The following OXR1 variants were observed in gnomAD, a reference collection of about 807,000 sequenced individuals.
The protein encoded by OXR1 is oxidation resistance 1, also known as oxidation resistance protein 1.
A neutral mutation model predicts 104.6 loss-of-function variants in OXR1; 41 were observed. The observed-to-expected ratio is 0.39, with a 90% CI of 0.31 to 0.51. The LOEUF (loss-of-function observed/expected upper bound fraction) is 0.51. Among genes scored for constraint, OXR1 ranks in the 20% least tolerant of loss-of-function variants. OXR1 has a pLI of 0.77. For synonymous variants in OXR1, 348 were observed against 348.4 expected, an observed-to-expected ratio of 1.00 and a Z score of 0.01; for missense variants, 955 against 1,031.9, an observed-to-expected ratio of 0.93 and a Z score of 1.02.
At chr8:106,623,934 GAACA>G (rs1821937020) in intron 3 of OXR1, among the ~76,000 whole-genome samples, 1 of 152,144 alleles carries the variant, frequency 6.6e-6, no homozygotes, top group Non-Finnish European at 1.5e-5. Context: ...TGACAAACCA[GAACA>G]AGAAATTCTG....
intron 1 of OXR1, among the ~76,000 whole-genome samples, chr8:106,335,182 G>C (rs1017286147): frequency 2.0e-5 from 3 of 151,934 alleles, no homozygotes; most frequent in Non-Finnish European, 4.4e-5. Context: ...CATCTATGGT[G>C]CCTCAAATTT....
chr8:106,515,487 G>A (rs1563574299), intron 2 of OXR1, among the ~76,000 whole-genome samples: 1 of 151,880 alleles, frequency 6.6e-6, no homozygotes, highest in Non-Finnish European at 1.5e-5. Context: ...ATTCTACTCT[G>A]CTTCTACAAG....
At chr8:106,676,899 A>G (rs897135757) in intron 3 of OXR1, among the ~76,000 whole-genome samples, 7 of 152,128 alleles carry the variant, frequency 4.6e-5, no homozygotes, top group Non-Finnish European at 7.4e-5. Context: ...AGTAAAGAGA[A>G]TATTTTCCAT....
At chr8:106,487,186 G>C (rs1451753237) in intron 2 of OXR1, among the ~76,000 whole-genome samples, 1 of 151,654 alleles carries the variant, frequency 6.6e-6, no homozygotes, top group African/African-American at 2.4e-5. Context: ...ACCACGCCCA[G>C]CTAATTTTTG....
intron 2 of OXR1, among the ~76,000 whole-genome samples, chr8:106,375,120 T>G (rs547185940): frequency 6.6e-6 from 1 of 152,364 alleles, no homozygotes; most frequent in African/African-American, 2.4e-5. Flanking sequence ...ATAGTATCAT[T>G]AAATTACATT....
chr8:106,723,453 G>A (rs184425953), intron 11 of OXR1, among the ~76,000 whole-genome samples: 7 of 149,480 alleles, frequency 4.7e-5, no homozygotes, highest in African/African-American at 9.9e-5. Context: ...AGCCGAGATC[G>A]TGCCACTGCA....
At position 106,477,178 on chromosome 8, in the gene OXR1, G is replaced by A. The variant is rs78606685; in HGVS notation, c.24-41765G>A. On this transcript the variant is annotated intron_variant, in intron 2 of 16. Coordinates refer to ENST00000517566, the MANE Select transcript of OXR1 (RefSeq NM_001198533.2). ...AATTACACTTTATATGGGTCCTGTGGTGTTATTCACAGTTTACGGTATTGT... is the reference window on the plus strand; with the variant it reads ...AATTACACTTTATATGGGTCCTGTGATGTTATTCACAGTTTACGGTATTGT... Among the ~76,000 whole-genome samples, 1,458 of 151,992 alleles carry A rather than the reference G, an allele frequency of 9.6e-3. 9 individuals are homozygous for A. Among genetic ancestry groups the A allele is most frequent in the Non-Finnish European group, 0.015 (1,023 of 67,910 alleles).
At chr8:106,547,773 G>A (rs1399731526) in intron 3 of OXR1, among the ~76,000 whole-genome samples, 1 of 152,030 alleles carries the variant, frequency 6.6e-6, no homozygotes, top group Non-Finnish European at 1.5e-5. Context: ...AAAGTGCTGG[G>A]ATTACGGTTG....
chr8:106,350,155 A>C (rs1301552678), intron 1 of OXR1, among the ~76,000 whole-genome samples: 1 of 152,198 alleles, frequency 6.6e-6, no homozygotes, highest in African/African-American at 2.4e-5. Context: ...GGAGGCACCA[A>C]AGAAGCTTAC....
At chr8:106,480,595 C>T (rs1485774292) in intron 2 of OXR1, among the ~76,000 whole-genome samples, 1 of 151,892 alleles carries the variant, frequency 6.6e-6, no homozygotes, top group Non-Finnish European at 1.5e-5. Context: ...GTTTTATAAA[C>T]TAGATAATGC....
chr8:106,683,887 G>T (rs1010534768), intron 5 of OXR1, among the ~76,000 whole-genome samples: 2 of 152,080 alleles, frequency 1.3e-5, no homozygotes, highest in Non-Finnish European at 1.5e-5. Context: ...GTACACATCT[G>T]TTTTTCTTTA....
intron 3 of OXR1, among the ~76,000 whole-genome samples, chr8:106,663,963 CA>C (rs1334417250): frequency 6.6e-6 from 1 of 152,114 alleles, no homozygotes; most frequent in Non-Finnish European, 1.5e-5. Context: ...CACCACAAAA[CA>C]AAAAACTCAC....
intron 3 of OXR1, among the ~76,000 whole-genome samples, chr8:106,671,044 C>CAAAAAA (rs60404483): frequency 0.014 from 672 of 48,828 alleles, 77 homozygotes; most frequent in African/African-American, 0.057. Flanking sequence ...GACTCTGTCT[C>CAAAAAA]AAAAAAAAAA....
chr8:106,277,523 T>C (rs1235635110), intron 1 of OXR1, among the ~76,000 whole-genome samples: 3 of 152,208 alleles, frequency 2.0e-5, no homozygotes, highest in Admixed American at 1.3e-4. Context: ...TCATAAAGCC[T>C]GATCTCAAGT....
intron 3 of OXR1, among the ~76,000 whole-genome samples, chr8:106,570,697 T>G (rs1007776691): frequency 2.6e-5 from 4 of 152,178 alleles, no homozygotes; most frequent in African/African-American, 9.6e-5. Context: ...CTCCATTTTG[T>G]GCAGGCTTCC....
At chr8:106,654,171 CT>C (rs768342554) in intron 3 of OXR1, among the ~76,000 whole-genome samples, 1 of 151,956 alleles carries the variant, frequency 6.6e-6, no homozygotes, top group Non-Finnish European at 1.5e-5. Flanking sequence ...TTACAACTGA[CT>C]TTTTTCTTTG....
At chr8:106,292,594 G>A (rs149850783) in intron 1 of OXR1, among the ~76,000 whole-genome samples, 5 of 152,154 alleles carry the variant, frequency 3.3e-5, no homozygotes, top group African/African-American at 1.2e-4. Context: ...GTATTCCTCT[G>A]CAGATAAAGA....
At chr8:106,496,317 C>A (rs185255638) in intron 2 of OXR1, among the ~76,000 whole-genome samples, 1 of 152,140 alleles carries the variant, frequency 6.6e-6, no homozygotes, top group Admixed American at 6.5e-5. Context: ...ATAAGCTCTC[C>A]AGGTGATTCT....
intron 1 of OXR1, among the ~76,000 whole-genome samples, chr8:106,345,880 G>A (rs1260498027): frequency 2.0e-5 from 3 of 152,130 alleles, no homozygotes; most frequent in Non-Finnish European, 4.4e-5. Context: ...TAGACAATCA[G>A]AAAAATTGAA....
Sources: allele counts gnomAD v4.1 joint callset (sites outside exome capture counted in the v4.1 genomes callset), GRCh38; gene constraint gnomAD v4.1.1; transcripts MANE v1.5; gene names NCBI Gene and HGNC (gene_info 2026-07-23, HGNC 2026-07-21).